The following RPSA2 variants were observed in gnomAD, a reference collection of about 807,000 sequenced individuals.
RPSA2 encodes the protein small ribosomal subunit protein uS2B.
chr19:23,789,011 TTTTC>T, the RPSA2 span, among the ~76,000 whole-genome samples: 18 of 60,492 alleles, frequency 3.0e-4, 2 homozygotes, highest in East Asian at 1.7e-3. Flanking sequence ...CTTTTCTTTT[TTTTC>T]TTTCTTTCTT....
chr19:23,870,203 T>C, the RPSA2 span, among the ~76,000 whole-genome samples: 1 of 152,218 alleles, frequency 6.6e-6, no homozygotes, highest in South Asian at 2.1e-4. Flanking sequence ...ACTTCTGCTG[T>C]AATGTCCTCT....
chr19:23,776,306 C>T, the RPSA2 span, among the ~76,000 whole-genome samples: 148,933 of 152,264 alleles, frequency 0.98, 72,932 homozygotes, highest in Middle Eastern at 1. Flanking sequence ...GTGATGTGAC[C>T]CCATTGTCTT....
At chr19:23,776,017 C>G in the RPSA2 span, among the ~76,000 whole-genome samples, 1 of 152,150 alleles carries the variant, frequency 6.6e-6, no homozygotes, top group Admixed American at 6.5e-5. Flanking sequence ...CACTGCTGGA[C>G]CCAGCGCCTA....
At chr19:23,820,280 T>TAGAG in the RPSA2 span, among the ~76,000 whole-genome samples, 3 of 152,232 alleles carry the variant, frequency 2.0e-5, no homozygotes, top group East Asian at 1.9e-4. Context: ...ATAGCGTCTC[T>TAGAG]AGTGCCGTTT....
chr19:23,866,967 A>G, the RPSA2 span, among the ~76,000 whole-genome samples: 1 of 152,162 alleles, frequency 6.6e-6, no homozygotes, highest in Non-Finnish European at 1.5e-5. Context: ...TTTTAATGTC[A>G]AAAGATCTTT....
the RPSA2 span, among the ~76,000 whole-genome samples, chr19:23,844,482 T>G: frequency 6.6e-6 from 1 of 152,178 alleles, no homozygotes; most frequent in African/African-American, 2.4e-5. Flanking sequence ...GCTATTTGTA[T>G]GTCTTTATTG....
the RPSA2 span, among the ~76,000 whole-genome samples, chr19:23,855,353 C>T: frequency 6.6e-6 from 1 of 152,182 alleles, no homozygotes; most frequent in Non-Finnish European, 1.5e-5. Flanking sequence ...GACCTCAGTA[C>T]AAAGAGTCTG....
chr19:23,774,345 ACT>A, the RPSA2 span, among the ~76,000 whole-genome samples: 1 of 151,850 alleles, frequency 6.6e-6, no homozygotes, highest in African/African-American at 2.4e-5. Flanking sequence ...AAGTGATGTG[ACT>A]CTCTTCTCCT....
the RPSA2 span, among the ~76,000 whole-genome samples, chr19:23,857,526 C>T: frequency 1.6e-5 from 2 of 121,766 alleles, no homozygotes; most frequent in Non-Finnish European, 3.3e-5. Context: ...GTTTTGCTCT[C>T]ATTGCCCAGG....
chr19:23,789,400 T>C, the RPSA2 span, among the ~76,000 whole-genome samples: 150,872 of 152,298 alleles, frequency 0.99, 74,748 homozygotes, highest in Middle Eastern at 1. Context: ...GTTCTTTCCT[T>C]CAAAAAAGAT....
the RPSA2 span, among the ~76,000 whole-genome samples, chr19:23,787,473 G>C: frequency 6.6e-6 from 1 of 152,014 alleles, no homozygotes; most frequent in African/African-American, 2.4e-5. Flanking sequence ...GCCAGCCATG[G>C]TGACTGGTGC....
chr19:23,801,423 C>T, the RPSA2 span, among the ~76,000 whole-genome samples: 2 of 152,080 alleles, frequency 1.3e-5, no homozygotes, highest in African/African-American at 2.4e-5. Context: ...TTACTTTTTT[C>T]AGCAGACATG....
chr19:23,759,058 G>GT, the RPSA2 span, among the ~76,000 whole-genome samples: 2 of 152,196 alleles, frequency 1.3e-5, no homozygotes, highest in South Asian at 2.1e-4. Flanking sequence ...GACTAACAAC[G>GT]TAAGTTGCAG....
At chr19:23,859,965 G>T in the RPSA2 span, among the ~76,000 whole-genome samples, 8 of 152,154 alleles carry the variant, frequency 5.3e-5, no homozygotes, top group African/African-American at 1.9e-4. Flanking sequence ...GTTTACGAAG[G>T]CAGCCCATAC....
At chr19:23,858,827 G>A in the RPSA2 span, among the ~76,000 whole-genome samples, 2 of 152,178 alleles carry the variant, frequency 1.3e-5, no homozygotes, top group African/African-American at 4.8e-5. Context: ...TTAGGGTGGG[G>A]CAGCCAGGTT....
At chr19:23,802,169 T>C in the RPSA2 span, among the ~76,000 whole-genome samples, 148,900 of 152,244 alleles carry the variant, frequency 0.98, 72,910 homozygotes, top group Middle Eastern at 1. Flanking sequence ...CTTTTCACAT[T>C]GCTACCTTTC....
the RPSA2 span, among the ~76,000 whole-genome samples, chr19:23,773,103 A>AT: frequency 5.9e-3 from 11 of 1,868 alleles, no homozygotes; most frequent in African/African-American, 0.015. Context: ...ATATATATAT[A>AT]TATTTTTATT....
At chr19:23,791,366 G>A in the RPSA2 span, among the ~76,000 whole-genome samples, 1 of 152,160 alleles carries the variant, frequency 6.6e-6, no homozygotes, top group Non-Finnish European at 1.5e-5. Context: ...TTAATTGGCA[G>A]TTTATAGTTG....
At chr19:23,869,702 C>T in the RPSA2 span, among the ~76,000 whole-genome samples, 1 of 152,170 alleles carries the variant, frequency 6.6e-6, no homozygotes, top group African/African-American at 2.4e-5. Context: ...GGCTTTAGCA[C>T]ACCTCTTCCT....
Sources: gnomAD v4.1 joint callset for allele counts (sites outside exome capture counted in the v4.1 genomes callset) on GRCh38, gnomAD v4.1.1 for gene constraint, MANE v1.5 for transcripts, NCBI Gene and HGNC (gene_info 2026-07-23, HGNC 2026-07-21) for gene names.